KBTBD12: variants seen among roughly 807,000 people sequenced by gnomAD.
The protein encoded by KBTBD12 is kelch repeat and BTB domain-containing protein 12.
Under a neutral mutation model 58.7 loss-of-function variants are expected in KBTBD12, and 53 were observed. The ratio of observed to expected loss-of-function variants is 0.90; its 90% CI spans 0.72 to 1.14. KBTBD12 has a LOEUF of 1.14. Among genes scored for constraint, KBTBD12 ranks in the 50% most tolerant of loss-of-function variants. KBTBD12 has a pLI of 0.00. For synonymous variants in KBTBD12, 236 were observed against 259.8 expected (o/e 0.91, Z 0.88); for missense variants, 704 against 751.3 (o/e 0.94, Z 0.74).
chr3:127,923,664 G>T lies in KBTBD12; in HGVS notation c.603G>T (p.Trp201Cys). ...EESILDLVLR[W>C]VNHNKELRTV... ...GCATTCTGGACTTAGTTCTGAGATG[G>T]GTAAATCATAACAAAGAATTGCGTA... Residue 201 changes from tryptophan (W) to cysteine (C), a missense_variant, in exon 2 of 6, where the codon TGG (tryptophan) becomes TGT (cysteine). Transcript: ENST00000405109. The T allele has an allele frequency of 6.2e-7, 1 of 1,613,722 alleles. No homozygotes were observed. The highest frequency in any genetic ancestry group is 8.5e-7 in the Non-Finnish European group (1 of 1,179,786).
At chr3:127,954,022 C>A (rs959359283) in intron 4 of KBTBD12, among the ~76,000 whole-genome samples, 1 of 152,098 alleles carries the variant, frequency 6.6e-6, no homozygotes, top group Non-Finnish European at 1.5e-5. Context: ...AGGAACGTAA[C>A]TATTTTTGTT....
chr3:127,918,081 A>C (rs1939299861), intron 1 of KBTBD12, among the ~76,000 whole-genome samples: 2 of 152,132 alleles, frequency 1.3e-5, no homozygotes, highest in Admixed American at 6.5e-5. Flanking sequence ...ATAGTGGTGC[A>C]TGTAGTGGTG....
At chr3:127,948,601 T>C (rs781761001) in intron 4 of KBTBD12, among the ~76,000 whole-genome samples, 1 of 152,224 alleles carries the variant, frequency 6.6e-6, no homozygotes, top group Non-Finnish European at 1.5e-5. Flanking sequence ...GCATCTCGTC[T>C]GTAAATGCTC....
chr3:127,965,479 A>T (rs9838859), intron 5 of KBTBD12, among the ~76,000 whole-genome samples: 1,783 of 152,360 alleles, frequency 0.012, 15 homozygotes, highest in Middle Eastern at 0.031. Context: ...TGATCTAGAG[A>T]TCTCATCAGA....
At chr3:127,952,154 G>A (rs1429086172) in intron 4 of KBTBD12, among the ~76,000 whole-genome samples, 2 of 152,130 alleles carry the variant, frequency 1.3e-5, no homozygotes, top group Admixed American at 6.5e-5. Context: ...AATTCTAGGT[G>A]ATTTCATATA....
intron 2 of KBTBD12, among the ~76,000 whole-genome samples, chr3:127,925,521 C>G (rs1159408793): frequency 6.6e-6 from 1 of 152,142 alleles, no homozygotes; most frequent in Admixed American, 6.5e-5. Context: ...AACCTCCAAC[C>G]CTGTCAAAGT....
intron 4 of KBTBD12, among the ~76,000 whole-genome samples, chr3:127,958,146 G>A (rs1940356938): frequency 6.6e-6 from 1 of 152,140 alleles, no homozygotes; most frequent in East Asian, 1.9e-4. Context: ...GGGCAGACCA[G>A]GCATGTGAGG....
At chr3:127,926,384 T>C (rs1174379447) in intron 2 of KBTBD12, among the ~76,000 whole-genome samples, 2 of 152,234 alleles carry the variant, frequency 1.3e-5, no homozygotes, top group African/African-American at 4.8e-5. Flanking sequence ...AGCCCCCACA[T>C]ATATTACAGA....
intron 4 of KBTBD12, among the ~76,000 whole-genome samples, chr3:127,957,415 T>C (rs1010465141): frequency 1.3e-5 from 2 of 152,238 alleles, no homozygotes; most frequent in Admixed American, 1.3e-4. Context: ...GTTTGACTAA[T>C]AGCTCTTTGC....
At chr3:127,918,027 C>T (rs548050015) in intron 1 of KBTBD12, among the ~76,000 whole-genome samples, 1 of 152,144 alleles carries the variant, frequency 6.6e-6, no homozygotes, top group South Asian at 2.1e-4. Context: ...CTGGGCAACA[C>T]AGTAAGACCC....
intron 4 of KBTBD12, among the ~76,000 whole-genome samples, chr3:127,945,254 G>A (rs1450302827): frequency 7.8e-6 from 1 of 127,846 alleles, no homozygotes; most frequent in African/African-American, 3.0e-5. Context: ...GCATGATCTC[G>A]GCTCACTGCA....
chr3:127,945,980 G>A (rs1371532165), intron 4 of KBTBD12, among the ~76,000 whole-genome samples: 5 of 152,042 alleles, frequency 3.3e-5, no homozygotes, highest in Admixed American at 6.6e-5. Flanking sequence ...CGCCTGGCCC[G>A]TTTATATTAT....
At chr3:127,977,495 C>A (rs969083601) in intron 5 of KBTBD12, among the ~76,000 whole-genome samples, 2 of 152,190 alleles carry the variant, frequency 1.3e-5, no homozygotes, top group African/African-American at 4.8e-5. Flanking sequence ...TTGCCAGCAT[C>A]TTTTTTCACT....
At chr3:127,933,479 AG>A (rs1219517207) in intron 4 of KBTBD12, among the ~76,000 whole-genome samples, 6 of 152,192 alleles carry the variant, frequency 3.9e-5, no homozygotes, top group African/African-American at 1.2e-4. Context: ...GAAATTTAAC[AG>A]GAAGATCCTG....
At chr3:127,958,816 A>G (rs1218194513) in intron 4 of KBTBD12, among the ~76,000 whole-genome samples, 4 of 152,150 alleles carry the variant, frequency 2.6e-5, no homozygotes, top group African/African-American at 9.7e-5. Flanking sequence ...GCCTGGCAAG[A>G]AAAAGCTGGT....
intron 2 of KBTBD12, among the ~76,000 whole-genome samples, chr3:127,927,254 C>T (rs562121322): frequency 6.6e-6 from 1 of 152,100 alleles, no homozygotes; most frequent in Admixed American, 6.6e-5. Context: ...GGAACTACAA[C>T]AGTTCTTAAA....
At chr3:127,935,189 TTG>T (rs1939801391) in intron 4 of KBTBD12, among the ~76,000 whole-genome samples, 1 of 152,152 alleles carries the variant, frequency 6.6e-6, no homozygotes, top group Non-Finnish European at 1.5e-5. Context: ...CATCATGAAG[TTG>T]AAATGTCCTA....
intron 5 of KBTBD12, among the ~76,000 whole-genome samples, chr3:127,971,604 A>G (rs1940683542): frequency 1.3e-5 from 2 of 152,124 alleles, no homozygotes; most frequent in South Asian, 4.1e-4. Flanking sequence ...CTTGTTTGCC[A>G]CTTGTGGCTG....
Position 127,980,315 on chromosome 3 carries a change from TTTA to T in KBTBD12, c.1691-3779_1691-3777del, listed in dbSNP as rs1335995844. On this transcript the variant is annotated intron_variant, in intron 5 of 5. Transcript: ENST00000405109. ...ACTGATAGTGTAATCATTGGGTTAT[TTTA>T]TTTATTTATTTTTTATTTTTTATTT... Among the ~76,000 whole-genome samples, 13 of 152,210 alleles carry T rather than the reference TTTA, an allele frequency of 8.5e-5. No individual in the cohort carries two copies. In the East Asian group the frequency reaches 1.4e-3, roughly 16 times the overall value.
Sources: allele counts gnomAD v4.1 joint callset (sites outside exome capture counted in the v4.1 genomes callset), GRCh38; gene constraint gnomAD v4.1.1; transcripts MANE v1.5; gene names NCBI Gene and HGNC (gene_info 2026-07-23, HGNC 2026-07-21).